MUC13: variants seen among roughly 807,000 people sequenced by gnomAD.
MUC13 encodes the protein mucin-13.
MUC13 carries 32 observed loss-of-function variants against 48.3 expected under a neutral mutation model. The ratio of observed to expected loss-of-function variants is 0.66; its 90% CI spans 0.50 to 0.89. The LOEUF is 0.89. MUC13 is among the 40% of genes least tolerant of loss of function. The pLI, the probability that MUC13 is intolerant of heterozygous loss-of-function variation, is 0.00. For missense variants in MUC13, 571 were observed against 622.8 expected (o/e 0.92, Z 0.88); for synonymous variants, 199 against 224.9 (o/e 0.88, Z 1.03).
intron 8 of MUC13, 55 bp from the exon 9 acceptor site, chr3:124,912,196 G>A (rs1427020069): frequency 6.3e-7 from 1 of 1,598,592 alleles, no homozygotes. Context: ...TGGGGAGCAT[G>A]TCAGAGTTCC....
chr3:124,923,588 A>C lies in MUC13; in HGVS notation c.576T>G (p.His192Gln), dbSNP rs374842032. ...CADNSLCVKL[H>Q]NTSFCLCLEG... ...CTAAACACAGGCAAAAACTTGTATT[A>C]TGCAGCTTAACACATAACGAATTAT... The change falls in exon 3 of 12, where the codon CAT becomes CAG. Residue 192 changes from histidine to glutamine, a missense_variant. Physicochemically the swap from His to Gln is conservative, Grantham distance 24. Transcript: ENST00000616727. 12 of 1,614,026 alleles carry C rather than the reference A, an allele frequency of 7.4e-6. No individual in the cohort carries two copies. Among genetic ancestry groups the C allele is most frequent in the Non-Finnish European group, 1.0e-5 (12 of 1,179,878 alleles).
chr3:124,922,345 G>A, intron 3 of MUC13, 42 bp from the exon 4 acceptor site: 2 of 1,594,020 alleles, frequency 1.3e-6, no homozygotes, highest in Non-Finnish European at 1.7e-6. Context: ...TTGATGAAAA[G>A]AGGGTCATTT....
intron 1 of MUC13, among the ~76,000 whole-genome samples, chr3:124,933,759 A>G (rs904038916): frequency 1.3e-5 from 2 of 152,158 alleles, no homozygotes; most frequent in Non-Finnish European, 2.9e-5. Context: ...CACACATTAA[A>G]TACAGTTGTA....
intron 8 of MUC13, 35 bp downstream of exon 8, chr3:124,913,076 C>T (rs752865645): frequency 6.2e-6 from 10 of 1,608,192 alleles, no homozygotes; most frequent in Middle Eastern, 3.3e-4. Context: ...CTAGCTCCAG[C>T]TGTGGCAAGA....
At chr3:124,927,461 A>T (rs1935706941) in intron 2 of MUC13, 71 bp downstream of exon 2, 2 of 1,469,350 alleles carry the variant, frequency 1.4e-6, no homozygotes, top group African/African-American at 2.8e-5. Flanking sequence ...CCCCACCAGA[A>T]CATACCCACC....
At chr3:124,930,099 G>A (rs1321197533) in intron 1 of MUC13, among the ~76,000 whole-genome samples, 1 of 152,164 alleles carries the variant, frequency 6.6e-6, no homozygotes, top group Non-Finnish European at 1.5e-5. Context: ...TTCATGCTTT[G>A]GGAATATTCA....
intron 10 of MUC13, 79 bp downstream of exon 10, chr3:124,910,336 C>T (rs1935397754): frequency 6.5e-7 from 1 of 1,546,218 alleles, no homozygotes; most frequent in East Asian, 2.3e-5. Flanking sequence ...GAGTTCGAGA[C>T]CAACATGGGC....
chr3:124,933,684 A>G (rs957711181), intron 1 of MUC13, among the ~76,000 whole-genome samples: 3 of 152,168 alleles, frequency 2.0e-5, no homozygotes, highest in East Asian at 1.9e-4. Flanking sequence ...TGTAACCTCA[A>G]GATGGTGTAT....
rs764861291 is a variant in MUC13 at position 124,913,665 on chromosome 3, A to G, written c.981T>C (p.Asp327=). The change falls in exon 7 of 12, where the codon GAT becomes GAC. Residue 327 remains aspartate (D), a synonymous_variant. Transcript: ENST00000616727. ...FLNYDLTLRC[D]YYGCNQTADD... Reference sequence around the variant, plus strand: ...CCGCAGTCTGGTTACAGCCATAATAATCACACCGAAGGGTCACTGAGAAGC... The same window carrying G: ...CCGCAGTCTGGTTACAGCCATAATAGTCACACCGAAGGGTCACTGAGAAGC... 22 of 1,614,102 alleles carry G rather than the reference A, an allele frequency of 1.4e-5. No homozygotes were observed. In the East Asian group the frequency reaches 4.2e-4, roughly 31 times the overall value.
intron 3 of MUC13, 104 bp downstream of exon 3, chr3:124,923,423 A>G: frequency 7.9e-7 from 1 of 1,259,078 alleles, no homozygotes; most frequent in East Asian, 2.4e-5. Context: ...CATTTTCTTT[A>G]TCTCTCATAT....
chr3:124,923,721 C>T (rs1935644140), intron 2 of MUC13, 72 bp from the exon 3 acceptor site: 3 of 1,498,840 alleles, frequency 2.0e-6, no homozygotes, highest in African/African-American at 2.8e-5. Flanking sequence ...CGTATTTTTC[C>T]ATCTTCATGC....
At chr3:124,910,251 C>G (rs898811035) in intron 10 of MUC13, among the ~76,000 whole-genome samples, 164 bp downstream of exon 10, 6 of 152,068 alleles carry the variant, frequency 3.9e-5, no homozygotes, top group African/African-American at 1.4e-4. Flanking sequence ...AAGGCCACTT[C>G]TGGCAGGTGT....
intron 9 of MUC13, 63 bp downstream of exon 9, chr3:124,912,041 G>C: frequency 6.3e-7 from 1 of 1,578,924 alleles, no homozygotes. Flanking sequence ...TGTTGAATGG[G>C]GTCACTATTG....
At chr3:124,913,908 A>G (rs1269851415) in intron 6 of MUC13, among the ~76,000 whole-genome samples, 2 of 151,980 alleles carry the variant, frequency 1.3e-5, no homozygotes, top group African/African-American at 2.4e-5. Context: ...GAAAATATTT[A>G]AAAGTTAGCT....
chr3:124,933,216 AT>A (rs1935825239), intron 1 of MUC13, among the ~76,000 whole-genome samples: 1 of 152,128 alleles, frequency 6.6e-6, no homozygotes, highest in East Asian at 1.9e-4. Flanking sequence ...AAAGGGCTTA[AT>A]TTCTCTTCAT....
intron 2 of MUC13, among the ~76,000 whole-genome samples, chr3:124,925,008 T>A (rs554824089): frequency 6.6e-6 from 1 of 152,176 alleles, no homozygotes; most frequent in Non-Finnish European, 1.5e-5. Flanking sequence ...AAAATTTATG[T>A]CCACACAAAA....
rs532936814 is a variant in MUC13 at position 124,932,659 on chromosome 3, C to T, written c.52+2002G>A. ...ATTTATTAAGCCCCTATGTGCCAGG[C>T]AGTATCCCGGCACATCAGGCTCTTT... On this transcript the variant is annotated intron_variant, in intron 1 of 11. Coordinates refer to ENST00000616727, the MANE Select transcript of MUC13 (RefSeq NM_033049.4). Among the ~76,000 whole-genome samples the T allele has an allele frequency of 7.2e-5, 11 of 152,252 alleles. No individual in the cohort carries two copies. The East Asian group carries it at 2.1e-3, about 29-fold the overall frequency.
intron 1 of MUC13, among the ~76,000 whole-genome samples, chr3:124,928,661 T>C (rs762424098): frequency 6.6e-6 from 1 of 152,198 alleles, no homozygotes; most frequent in African/African-American, 2.4e-5. Flanking sequence ...GGATTGCAGA[T>C]GTGACCCACC....
rs181203224 is a variant in MUC13, at chr3:124,929,914, T to C, written c.53-1921A>G. Among the ~76,000 whole-genome samples the C allele has an allele frequency of 4.0e-4, 60 of 151,292 alleles. No homozygotes were observed. In the East Asian group the frequency reaches 5.4e-3, roughly 14 times the overall value. On this transcript the variant is annotated intron_variant, in intron 1 of 11. Transcript: ENST00000616727. ...ACACAAGAAAAGCAAATAGAGAAAA[T>C]TGGGGATCAGAATGAAAGCGGTGGA...
Sources: gnomAD v4.1 joint callset for allele counts (sites outside exome capture counted in the v4.1 genomes callset) on GRCh38, gnomAD v4.1.1 for gene constraint, MANE v1.5 for transcripts, NCBI Gene and HGNC (gene_info 2026-07-23, HGNC 2026-07-21) for gene names.